RFC1: variants seen among roughly 807,000 people sequenced by gnomAD.
RFC1 encodes A1 140 kDa subunit.
A neutral mutation model predicts 137.4 loss-of-function variants in RFC1; 37 were observed. The observed-to-expected ratio is 0.27, with a 90% CI of 0.21 to 0.35. RFC1 has a LOEUF of 0.35. Ranked by LOEUF, RFC1 falls within the 10% of genes least tolerant of loss-of-function variation. The pLI, the probability that RFC1 is intolerant of heterozygous loss-of-function variation, is 1.00. For missense variants in RFC1, 1,205 were observed against 1,358.5 expected, an observed-to-expected ratio of 0.89 and a Z score of 1.78; for synonymous variants, 429 against 455.7, an observed-to-expected ratio of 0.94 and a Z score of 0.75.
chr4:39,302,548 AG>A lies in RFC1; in HGVS notation c.2387del (p.Pro796LeufsTer4). 6.2e-7 allele frequency: 1 copy of A among 1,611,862 alleles called. No homozygotes were observed. On this transcript the variant is annotated frameshift_variant, in exon 18 of 25. Coordinates refer to ENST00000349703, the MANE Select transcript of RFC1 (RefSeq NM_002913.5). LOFTEE classifies it high-confidence loss of function. The stretch of plus-strand genomic sequence containing the variant: ...CCAAAATTATTTCATTCATAGCTGG[AG>A]GGGGAATCTTTAAACCTTCTTTAAA... ...IAFKEGLKIP[P>X]PAMNEIILGA...
chr4:39,288,980 G>T, intron 24 of RFC1, 136 bp from the exon 25 acceptor site: 4 of 654,770 alleles, frequency 6.1e-6, no homozygotes, highest in Non-Finnish European at 1.1e-5. Context: ...TCGAGATCTT[G>T]AACTACTGCA....
chr4:39,306,041 G>C (rs1445757706), intron 14 of RFC1, among the ~76,000 whole-genome samples: 3 of 152,190 alleles, frequency 2.0e-5, no homozygotes, highest in African/African-American at 7.2e-5. Context: ...CGTGAACTCT[G>C]ATCTGCTCTA....
chr4:39,324,813 A>G (rs917405191), intron 6 of RFC1, among the ~76,000 whole-genome samples: 2 of 152,250 alleles, frequency 1.3e-5, no homozygotes, highest in Non-Finnish European at 2.9e-5. Flanking sequence ...TAGCTATGAC[A>G]GAGTGTGACA....
At chr4:39,348,460 A>AG in intron 2 of RFC1, among the ~76,000 whole-genome samples, 1 of 127,320 alleles carries the variant, frequency 7.9e-6, no homozygotes, top group Non-Finnish European at 1.8e-5. Flanking sequence ...AAAAGAAAAG[A>AG]AAAGAAAAGA....
At chr4:39,328,253 C>T (rs1739885866) in intron 4 of RFC1, among the ~76,000 whole-genome samples, 1 of 152,180 alleles carries the variant, frequency 6.6e-6, no homozygotes, top group South Asian at 2.1e-4. Context: ...CCCCCAGTTA[C>T]TACCAAGAGT....
chr4:39,322,124 T>TA (rs1739549729), intron 7 of RFC1, among the ~76,000 whole-genome samples: 1 of 151,942 alleles, frequency 6.6e-6, no homozygotes. Flanking sequence ...ATAAAAAAAT[T>TA]AAAAAAATTA....
At chr4:39,290,763 C>T (rs1316072962) in intron 23 of RFC1, among the ~76,000 whole-genome samples, 5 of 149,222 alleles carry the variant, frequency 3.4e-5, no homozygotes, top group African/African-American at 1.2e-4. Flanking sequence ...TGCAGTGAGC[C>T]GAGATCGCAC....
chr4:39,330,048 T>G (rs1220110086), intron 4 of RFC1, among the ~76,000 whole-genome samples: 1 of 151,978 alleles, frequency 6.6e-6, no homozygotes, highest in Non-Finnish European at 1.5e-5. Context: ...AAAAAATTTT[T>G]TTTTAAATAA....
chr4:39,344,909 C>A (rs1173254196), intron 3 of RFC1, among the ~76,000 whole-genome samples: 5 of 152,174 alleles, frequency 3.3e-5, no homozygotes, highest in Non-Finnish European at 7.3e-5. Context: ...CTGATAAGTT[C>A]TATAATAAAA....
At position 39,366,172 on chromosome 4, in the gene RFC1, C is replaced by A; in HGVS notation, c.3+67G>T. On this transcript the variant is annotated intron_variant, in intron 1 of 24. Coordinates refer to ENST00000349703, the MANE Select transcript of RFC1 (RefSeq NM_002913.5). ...CCCCCACCCTGCATACCAGGAGTGC[C>A]CGGTCCACACCAGGCCTGCAAAGCC... 1.3e-6 allele frequency: 2 copies of A among 1,528,748 alleles called. 1 individual carries two copies. The highest frequency in any genetic ancestry group is 2.4e-5 in the South Asian group (2 of 83,288). 94.7% of individuals were successfully genotyped at this position (1,528,748 alleles called of 1,614,324 possible). A position where few individuals can be genotyped will look rare whatever the true frequency, so the allele number is the denominator to read the frequency against.
At chr4:39,344,072 C>G (rs1167295385) in intron 3 of RFC1, among the ~76,000 whole-genome samples, 2 of 151,564 alleles carry the variant, frequency 1.3e-5, no homozygotes, top group Non-Finnish European at 2.9e-5. Flanking sequence ...CAAGATCATG[C>G]CATTGCACTC....
rs780201880 is a variant in RFC1 at position 39,306,553 on chromosome 4, G to A, written c.1995+39C>T. On this transcript the variant is annotated intron_variant, in intron 14 of 24. Transcript: ENST00000349703. The stretch of plus-strand genomic sequence containing the variant: ...TTTTATCTCCTAGCCATGACCACTC[G>A]AGGTTATCTGTCCGACCACACTGTG... 51 of 1,118,422 alleles carry A rather than the reference G, an allele frequency of 4.6e-5. 1 individual carries two copies. The highest frequency in any genetic ancestry group is 4.0e-4 in the Middle Eastern group (2 of 4,958). The allele number at this position is 1,118,422 out of a possible 1,614,324, so 69.3% of individuals were successfully genotyped here. A position where few individuals can be genotyped will look rare whatever the true frequency, so the allele number is the denominator to read the frequency against.
intron 1 of RFC1, among the ~76,000 whole-genome samples, chr4:39,359,549 G>A (rs934409453): frequency 6.6e-6 from 1 of 152,290 alleles, no homozygotes; most frequent in East Asian, 1.9e-4. Flanking sequence ...AATACAATAC[G>A]TGGTCGCTCA....
At chr4:39,292,076 C>A (rs899602666) in intron 22 of RFC1, 4 of 511,360 alleles carry the variant, frequency 7.8e-6, no homozygotes, top group South Asian at 2.8e-5. Flanking sequence ...TTTCTACTTA[C>A]CTACATCAGT....
In RFC1 at chr4:39,366,272, T is replaced by C; in HGVS notation, c.-31A>G. 6.5e-7 allele frequency: 1 copy of C among 1,530,454 alleles called. No individual in the cohort carries two copies. Among genetic ancestry groups the C allele is most frequent in the South Asian group, 1.2e-5 (1 of 82,682 alleles). The allele number at this position is 1,530,454 out of a possible 1,614,324, so 94.8% of individuals were successfully genotyped here. A position where few individuals can be genotyped will look rare whatever the true frequency, so the allele number is the denominator to read the frequency against. ...CCCCAGGATGAAGGCGCTGGCTGGC[T>C]GGCGGGTGGGCCGGTTGAGGAATCT... On this transcript the variant is annotated 5_prime_UTR_variant, in exon 1 of 25. Coordinates refer to ENST00000349703, the MANE Select transcript of RFC1 (RefSeq NM_002913.5).
chr4:39,352,165 G>T (rs927879312), intron 1 of RFC1, among the ~76,000 whole-genome samples: 4 of 151,978 alleles, frequency 2.6e-5, no homozygotes, highest in African/African-American at 9.7e-5. Context: ...GGCATAGCTG[G>T]GGAGAAGACA....
intron 14 of RFC1, among the ~76,000 whole-genome samples, chr4:39,306,254 C>T (rs951002864): frequency 1.3e-5 from 2 of 152,170 alleles, no homozygotes; most frequent in African/African-American, 4.8e-5. Context: ...TTATTCAGTA[C>T]ACAGAATTAT....
chr4:39,306,154 T>C lies in RFC1; in HGVS notation c.1995+438A>G, dbSNP rs189803582. Among the ~76,000 whole-genome samples the C allele has an allele frequency of 1.9e-4, 29 of 152,342 alleles. No homozygotes were observed. The East Asian group carries it at 5.2e-3, about 27-fold the overall frequency. On this transcript the variant is annotated intron_variant, in intron 14 of 24. Coordinates refer to ENST00000349703, the MANE Select transcript of RFC1 (RefSeq NM_002913.5). ...CACACAGTGCTGAAGAGCAGAACCC[T>C]GAGTCGCGCTACCGGGTGAAAACTG...
At chr4:39,338,525 C>T (rs1740464266) in intron 4 of RFC1, among the ~76,000 whole-genome samples, 1 of 152,070 alleles carries the variant, frequency 6.6e-6, no homozygotes, top group African/African-American at 2.4e-5. Context: ...TATATTTTAT[C>T]TAACCCAATA....
Sources: allele counts gnomAD v4.1 joint callset (sites outside exome capture counted in the v4.1 genomes callset), GRCh38; gene constraint gnomAD v4.1.1; transcripts MANE v1.5; gene names NCBI Gene and HGNC (gene_info 2026-07-23, HGNC 2026-07-21).